The following XDH variants were observed in gnomAD, a reference collection of about 807,000 sequenced individuals.
The protein encoded by XDH is xanthine dehydrogenase/oxidase.
Under a neutral mutation model 156.1 loss-of-function variants are expected in XDH, and 138 were observed. The observed-to-expected ratio is 0.88, with a 90% CI of 0.77 to 1.02. The LOEUF is 1.02. Among genes scored for constraint, XDH ranks in the 50% least tolerant of loss-of-function variants. The probability of loss-of-function intolerance (pLI) is 0.00; values close to 1 mark genes in which losing one functional copy is unlikely to be tolerated. For missense variants in XDH, 1,849 were observed against 1,684.9 expected, an observed-to-expected ratio of 1.10 and a Z score of -1.71; for synonymous variants, 669 against 625.7, an observed-to-expected ratio of 1.07 and a Z score of -1.03.
At chr2:31,348,669 A>G (rs1685368041) in intron 27 of XDH, among the ~76,000 whole-genome samples, 1 of 152,216 alleles carries the variant, frequency 6.6e-6, no homozygotes. Flanking sequence ...CCAGTCCGAT[A>G]GTTAAGGAAA....
chr2:31,337,723 T>C lies in XDH; in HGVS notation c.3869A>G (p.Asn1290Ser), dbSNP rs772149533. ...RAARAQHTGN[N>S]VKELFRLDSP... ...GTCTAGCCGGAAGAGTTCCTTCACG[T>C]TATTACCTGTGTGCTGAGCTCGAGC... Residue 1290 changes from asparagine to serine, a missense_variant, in exon 35 of 36, where the codon AAC becomes AGC. By Grantham distance (46) the Asn-to-Ser change is conservative. Transcript: ENST00000379416. 6.2e-7 allele frequency: 1 copy of C among 1,614,174 alleles called. No individual in the cohort carries two copies. The highest frequency in any genetic ancestry group is 2.2e-5 in the East Asian group (1 of 44,888).
At chr2:31,406,063 G>A (rs570244929) in intron 1 of XDH, 99 bp from the exon 2 acceptor site, 1 of 1,345,070 alleles carries the variant, frequency 7.4e-7, no homozygotes, top group East Asian at 2.4e-5. Context: ...AATTTGTAGA[G>A]TTAGTAGGAA....
At chr2:31,409,687 C>T (rs904052713) in intron 1 of XDH, among the ~76,000 whole-genome samples, 1 of 152,134 alleles carries the variant, frequency 6.6e-6, no homozygotes. Context: ...GAGATTTCAC[C>T]TCATACCCAT....
chr2:31,357,243 G>T (rs1394329705), intron 24 of XDH, among the ~76,000 whole-genome samples: 3 of 152,054 alleles, frequency 2.0e-5, no homozygotes, highest in Non-Finnish European at 2.9e-5. Context: ...AAATAATAAG[G>T]ATAAGAGCAG....
intron 14 of XDH, 43 bp downstream of exon 14, chr2:31,377,010 G>T (rs921785415): frequency 6.2e-7 from 1 of 1,608,666 alleles, no homozygotes; most frequent in Non-Finnish European, 8.5e-7. Context: ...ACTATTAGTA[G>T]CAGCAACATT....
chr2:31,394,249 G>A (rs2148000302), intron 6 of XDH, among the ~76,000 whole-genome samples: 1 of 152,212 alleles, frequency 6.6e-6, no homozygotes, highest in Non-Finnish European at 1.5e-5. Flanking sequence ...TTTTGTTTGA[G>A]AAAATATTTC....
chr2:31,361,220 T>A (rs1223901988), intron 24 of XDH, among the ~76,000 whole-genome samples: 1 of 152,200 alleles, frequency 6.6e-6, no homozygotes, highest in African/African-American at 2.4e-5. Flanking sequence ...CCCAGCAATC[T>A]TTACTATTCC....
intron 15 of XDH, 40 bp downstream of exon 15, chr2:31,375,340 C>T (rs1686215631): frequency 1.2e-6 from 2 of 1,613,990 alleles, no homozygotes; most frequent in East Asian, 2.2e-5. Context: ...TATCCCCAAA[C>T]ATGCTACAGA....
Position 31,414,634 on chromosome 2 carries a change from A to C in XDH, c.33T>G (p.Asn11Lys), listed in dbSNP as rs201779309. 1.3e-4 allele frequency: 215 copies of C among 1,614,126 alleles called. No individual in the cohort carries two copies. Among genetic ancestry groups the C allele is most frequent in the Non-Finnish European group, 1.7e-4 (201 of 1,179,990 alleles). The part of the protein sequence containing the change: MTADKLVFFV[N>K]GRKVVEKNAD... ...GTCAGCTCCTACTTACCTTTCTGCC[A>C]TTCACAAAGAAAACCAATTTGTCTG... The change falls in exon 1 of 36, where the codon AAT (asparagine) becomes AAG (lysine). Residue 11 changes from asparagine (N) to lysine (K), a missense_variant. Asn to Lys is a moderately conservative substitution (Grantham distance 94). Transcript: ENST00000379416.
intron 5 of XDH, among the ~76,000 whole-genome samples, chr2:31,398,296 CT>C (rs897861291): frequency 5.3e-5 from 8 of 152,198 alleles, no homozygotes; most frequent in African/African-American, 1.7e-4. Context: ...CAGCCATGCA[CT>C]GCCAACCCCA....
Position 31,344,694 on chromosome 2 carries a change from C to T in XDH, c.3394G>A (p.Gly1132Arg). 5.6e-6 allele frequency: 9 copies of T among 1,614,166 alleles called. No individual in the cohort carries two copies. The highest frequency in any genetic ancestry group is 7.6e-6 in the Non-Finnish European group (9 of 1,180,040). ...CAACACCATACTTACCTATAAAACC[C>T]AGTGGCAGACAAGCTCACTGTGTCC... Reference protein sequence around the residue: ...YMDTVSLSATGFYRTPNLGYS... With the variant: ...YMDTVSLSATRFYRTPNLGYS... Residue 1132 changes from glycine (G) to arginine (R), a missense_variant, in exon 31 of 36, where the codon GGG (glycine) becomes AGG (arginine). Coordinates refer to ENST00000379416, the MANE Select transcript of XDH (RefSeq NM_000379.4).
intron 20 of XDH, 34 bp downstream of exon 20, chr2:31,367,927 A>C (rs1572534221): frequency 6.3e-7 from 1 of 1,599,664 alleles, no homozygotes; most frequent in Non-Finnish European, 8.6e-7. Flanking sequence ...AACCAGGGCC[A>C]CCCCATTCCC....
chr2:31,411,776 T>C (rs1001820366), intron 1 of XDH, among the ~76,000 whole-genome samples: 2 of 152,368 alleles, frequency 1.3e-5, no homozygotes, highest in Admixed American at 6.5e-5. Context: ...GTGAAATACA[T>C]TTCAGAAGGT....
At position 31,344,710 on chromosome 2, in the gene XDH, C is replaced by T; in HGVS notation, c.3378G>A (p.Val1126=). The T allele has an allele frequency of 6.2e-7, 1 of 1,614,154 alleles. No homozygotes were observed. Among genetic ancestry groups the T allele is most frequent in the Non-Finnish European group, 8.5e-7 (1 of 1,180,032 alleles). Residue 1126 remains valine, a synonymous_variant, in exon 31 of 36, where the codon GTG becomes GTA. Coordinates refer to ENST00000379416, the MANE Select transcript of XDH (RefSeq NM_000379.4). ...DWVTAAYMDT[V]SLSATGFYRT... The stretch of plus-strand genomic sequence containing the variant: ...TATAAAACCCAGTGGCAGACAAGCT[C>T]ACTGTGTCCATGTAGGCAGCTGTGA...
Position 31,372,529 on chromosome 2 carries a change from G to A in XDH, c.1687-132C>T, listed in dbSNP as rs45443498. 35,050 of 1,232,928 alleles carry A rather than the reference G, an allele frequency of 0.028. 612 individuals are homozygous for A. The highest frequency in any genetic ancestry group is 0.042 in the Middle Eastern group (160 of 3,790). 76.4% of individuals were successfully genotyped at this position (1,232,928 alleles called of 1,614,324 possible). ...GGGTAAGAATAAAGAATTCAGAGGG[G>A]CGTGGGGCAAAGGGAACAGGAAGGT... On this transcript the variant is annotated intron_variant, in intron 16 of 35. Transcript: ENST00000379416.
chr2:31,336,967 C>T (rs1225036909), intron 35 of XDH, among the ~76,000 whole-genome samples: 1 of 150,310 alleles, frequency 6.7e-6, no homozygotes, highest in African/African-American at 2.5e-5. Context: ...AAAGCGGAAG[C>T]AACCGTCCTA....
At position 31,383,775 on chromosome 2, in the gene XDH, G is replaced by A. The variant is rs769203054; in HGVS notation, c.866C>T (p.Ser289Leu). 1.7e-5 allele frequency: 28 copies of A among 1,613,858 alleles called. No homozygotes were observed. Among genetic ancestry groups the A allele is most frequent in the South Asian group, 1.1e-5 (1 of 91,010 alleles). ...CTTACCGTCGGGTCCATGTTCTACC[G>A]AATTCAGCTCAGGGATCCAGGCTGG... The part of the protein sequence containing the change: ...VCPAWIPELN[S>L]VEHGPDGISF... The change falls in exon 10 of 36, where the codon TCG becomes TTG. Residue 289 changes from serine (S) to leucine (L), a missense_variant. Transcript: ENST00000379416.
In XDH at chr2:31,398,455, G is replaced by C; in HGVS notation, c.433+118C>G. On this transcript the variant is annotated intron_variant, in intron 5 of 35. Coordinates refer to ENST00000379416, the MANE Select transcript of XDH (RefSeq NM_000379.4). Reference sequence around the variant, plus strand: ...GATCTTAGTCACCACCTTGTTGGGGGGCCTGAGCCCTTCCTCCAAAGGGTA... The same window carrying C: ...GATCTTAGTCACCACCTTGTTGGGGCGCCTGAGCCCTTCCTCCAAAGGGTA... The C allele has an allele frequency of 1.9e-6, 3 of 1,564,326 alleles. No individual in the cohort carries two copies. In the South Asian group the frequency reaches 3.4e-5, roughly 18 times the overall value.
At chr2:31,381,978 T>A in intron 11 of XDH, among the ~76,000 whole-genome samples, 1 of 152,274 alleles carries the variant, frequency 6.6e-6, no homozygotes, top group East Asian at 1.9e-4. Flanking sequence ...TAAGTGTGTG[T>A]GTTTGATTGA....
Sources: allele counts gnomAD v4.1 joint callset (sites outside exome capture counted in the v4.1 genomes callset), GRCh38; gene constraint gnomAD v4.1.1; transcripts MANE v1.5; gene names NCBI Gene and HGNC (gene_info 2026-07-23, HGNC 2026-07-21).